Variants in ABCA1 observed in about 807,000 individuals in gnomAD.
ABCA1 encodes the protein phospholipid-transporting ATPase ABCA1.
A neutral mutation model predicts 262.5 loss-of-function variants in ABCA1; 133 were observed. The ratio of observed to expected loss-of-function variants is 0.51; its 90% CI spans 0.44 to 0.59. The LOEUF (loss-of-function observed/expected upper bound fraction) is 0.59, where lower values mean the gene tolerates loss of function less well. Ranked by LOEUF, ABCA1 falls within the 20% of genes least tolerant of loss-of-function variation. ABCA1 has a pLI of 0.00. For synonymous variants in ABCA1, 1,022 were observed against 1,043.5 expected, an observed-to-expected ratio of 0.98 and a Z score of 0.40; for missense variants, 2,452 against 2,777.5, an observed-to-expected ratio of 0.88 and a Z score of 2.63.
intron 5 of ABCA1, among the ~76,000 whole-genome samples, chr9:104,879,543 T>C (rs938187826): frequency 2.6e-5 from 4 of 152,194 alleles, no homozygotes; most frequent in African/African-American, 9.7e-5. Flanking sequence ...TTTGGGAGGA[T>C]AGGATAGCAT....
chr9:104,901,109 C>G (rs1485257947), intron 2 of ABCA1, among the ~76,000 whole-genome samples: 1 of 152,192 alleles, frequency 6.6e-6, no homozygotes, highest in Non-Finnish European at 1.5e-5. Context: ...AACCCCACAT[C>G]CTGTTGCAGG....
At chr9:104,816,459 TC>T in intron 24 of ABCA1, 114 bp from the exon 25 acceptor site, 1 of 968,606 alleles carries the variant, frequency 1.0e-6, no homozygotes, top group Non-Finnish European at 1.6e-6. Flanking sequence ...CCACACCTGT[TC>T]CAGGTGTTTA....
chr9:104,789,626 T>C (rs1285958605), intron 44 of ABCA1, among the ~76,000 whole-genome samples: 1 of 152,190 alleles, frequency 6.6e-6, no homozygotes, highest in African/African-American at 2.4e-5. Context: ...GAATAAGAAA[T>C]AGCAGAGTGC....
At chr9:104,892,647 A>G (rs1228606353) in intron 2 of ABCA1, among the ~76,000 whole-genome samples, 2 of 152,176 alleles carry the variant, frequency 1.3e-5, no homozygotes, top group Admixed American at 6.5e-5. Context: ...GGCTTTAAAA[A>G]TGTTTGGTGA....
intron 23 of ABCA1, 121 bp downstream of exon 23, chr9:104,818,542 C>A (rs1831985435): frequency 2.1e-6 from 2 of 944,142 alleles, no homozygotes; most frequent in Non-Finnish European, 3.4e-6. Context: ...AAAGGGGCAA[C>A]AGAGCAGGGA....
chr9:104,781,829 A>G lies in ABCA1; in HGVS notation c.*2486T>C, dbSNP rs539455164. 1.5e-4 allele frequency: 23 copies of G among 152,724 alleles called. No individual in the cohort carries two copies. Among genetic ancestry groups the G allele is most frequent in the South Asian group, 6.2e-4 (3 of 4,834 alleles). The allele number at this position is 152,724 out of a possible 1,614,324, so 9.5% of individuals were successfully genotyped here. A position where few individuals can be genotyped will look rare whatever the true frequency, so the allele number is the denominator to read the frequency against. On this transcript the variant is annotated 3_prime_UTR_variant, in exon 50 of 50. Transcript: ENST00000374736. ...CATAGGTACATTCCACAGGGAATAT[A>G]CAGAAATTTTGCTTGATTGAGTATA...
intron 34 of ABCA1, 131 bp from the exon 35 acceptor site, chr9:104,800,715 A>C: frequency 1.2e-6 from 1 of 812,032 alleles, no homozygotes; most frequent in Non-Finnish European, 2.1e-6. Flanking sequence ...CTGAAATTAA[A>C]TGTGAAGCCA....
intron 18 of ABCA1, among the ~76,000 whole-genome samples, chr9:104,823,216 A>C (rs539360793): frequency 6.6e-6 from 1 of 152,220 alleles, no homozygotes; most frequent in Non-Finnish European, 1.5e-5. Context: ...TGTGGCCATT[A>C]AGGGGTAGCA....
At chr9:104,820,764 G>T (rs919151846) in intron 20 of ABCA1, among the ~76,000 whole-genome samples, 1 of 115,126 alleles carries the variant, frequency 8.7e-6, no homozygotes, top group South Asian at 2.4e-4. Context: ...GGAGGGTGGC[G>T]GGGGAGAGGA....
At chr9:104,861,499 T>C in intron 6 of ABCA1, 180 bp downstream of exon 6, 1 of 815,512 alleles carries the variant, frequency 1.2e-6, no homozygotes, top group Non-Finnish European at 2.0e-6. Flanking sequence ...CATATTCCAC[T>C]CCTGGATGGT....
chr9:104,862,687 G>GAACCCCCACCCCCACCC (rs1836693860), intron 5 of ABCA1, among the ~76,000 whole-genome samples: 1 of 1,598 alleles, frequency 6.3e-4, no homozygotes, highest in Non-Finnish European at 1.7e-3. Flanking sequence ...GCCGGGCCGG[G>GAACCCCCACCCCCACCC]CCGGGCCGGG....
At chr9:104,918,564 T>C (rs988903729) in intron 1 of ABCA1, among the ~76,000 whole-genome samples, 4 of 152,258 alleles carry the variant, frequency 2.6e-5, no homozygotes, top group Non-Finnish European at 5.9e-5. Context: ...ATAAATTTGT[T>C]TAATAGCACT....
chr9:104,862,654 C>CGGGCAGCGCCGGGCA (rs1449575571), intron 5 of ABCA1, among the ~76,000 whole-genome samples: 2 of 7,514 alleles, frequency 2.7e-4, no homozygotes, highest in South Asian at 8.6e-3. Context: ...CGGGCCGGGC[C>CGGGCAGCGCCGGGCA]GGGCCGGGCC....
intron 1 of ABCA1, among the ~76,000 whole-genome samples, chr9:104,926,842 A>C (rs1826383753): frequency 6.6e-6 from 1 of 152,240 alleles, no homozygotes; most frequent in Non-Finnish European, 1.5e-5. Context: ...ATGGGGCTGC[A>C]GGGAACGTGG....
At chr9:104,889,964 T>C (rs1310019606) in intron 2 of ABCA1, among the ~76,000 whole-genome samples, 1 of 152,186 alleles carries the variant, frequency 6.6e-6, no homozygotes, top group Non-Finnish European at 1.5e-5. Context: ...GTTAAAACAA[T>C]GAGGTTTCTC....
At chr9:104,790,573 G>A (rs988477155) in intron 44 of ABCA1, among the ~76,000 whole-genome samples, 1 of 152,100 alleles carries the variant, frequency 6.6e-6, no homozygotes, top group African/African-American at 2.4e-5. Flanking sequence ...GACAGATGTG[G>A]GGTGATGGAA....
chr9:104,837,213 C>T (rs954530106), intron 10 of ABCA1, 117 bp from the exon 11 acceptor site: 1 of 1,058,690 alleles, frequency 9.4e-7, no homozygotes, highest in Admixed American at 2.0e-5. Context: ...CAGTCCTCCC[C>T]ATCCCCAAGA....
intron 5 of ABCA1, among the ~76,000 whole-genome samples, chr9:104,867,085 G>A (rs1051749999): frequency 6.6e-6 from 1 of 152,212 alleles, no homozygotes; most frequent in African/African-American, 2.4e-5. Flanking sequence ...TCACCTTGCA[G>A]TGAGTTAGGG....
Position 104,802,149 on chromosome 9 carries a change from A to G in ABCA1, c.4603T>C (p.Phe1535Leu), listed in dbSNP as rs766466742. 6.2e-7 allele frequency: 1 copy of G among 1,614,168 alleles called. No individual in the cohort carries two copies. ...IWVNEFRYGGFSLGVSNTQAL... is the reference protein window; with the variant it reads ...IWVNEFRYGGLSLGVSNTQAL... ...TGAGTATTACTGACACCCAGGGAAA[A>G]GCCGCCATACCTAAAAGAACAGCCT... Residue 1535 changes from phenylalanine to leucine, a missense_variant, in exon 34 of 50, where the codon TTT (phenylalanine) becomes CTT (leucine). Transcript: ENST00000374736.
Sources: gnomAD v4.1 joint callset for allele counts (sites outside exome capture counted in the v4.1 genomes callset) on GRCh38, gnomAD v4.1.1 for gene constraint, MANE v1.5 for transcripts, NCBI Gene and HGNC (gene_info 2026-07-23, HGNC 2026-07-21) for gene names.